The following EEIG1 variants were observed in gnomAD, a reference collection of about 807,000 sequenced individuals.
EEIG1 encodes the protein early estrogen-induced gene 1 protein.
chr9:127,945,071 G>C, the EEIG1 span, among the ~76,000 whole-genome samples: 1 of 152,166 alleles, frequency 6.6e-6, no homozygotes, highest in Non-Finnish European at 1.5e-5. The surrounding 1 kb of genome is among the most constrained non-coding windows in gnomAD (Gnocchi z 6.5). Flanking sequence ...CTGCCATCAT[G>C]AGCCGATTTT....
chr9:127,969,720 T>C, the EEIG1 span, among the ~76,000 whole-genome samples: 1 of 152,088 alleles, frequency 6.6e-6, no homozygotes, highest in African/African-American at 2.4e-5. Context: ...ACATCTCTGT[T>C]TGCAGCTGCC....
chr9:127,968,541 C>A, the EEIG1 span, among the ~76,000 whole-genome samples: 1 of 152,300 alleles, frequency 6.6e-6, no homozygotes, highest in East Asian at 1.9e-4. Context: ...GCCCTTCATA[C>A]CCCTGCTCCC....
chr9:127,953,984 T>C, the EEIG1 span: 1 of 1,603,398 alleles, frequency 6.2e-7, no homozygotes, highest in Admixed American at 1.7e-5. Flanking sequence ...GGGGACTCCA[T>C]GTGGTACCAG....
At chr9:127,942,727 A>AGC in the EEIG1 span, 1 of 172,532 alleles carries the variant, frequency 5.8e-6, no homozygotes, top group Admixed American at 5.8e-5. Flanking sequence ...AGGGCAAGGG[A>AGC]ACAACGGAGC....
the EEIG1 span, among the ~76,000 whole-genome samples, chr9:127,968,988 C>T: frequency 9.9e-5 from 15 of 152,228 alleles, no homozygotes; most frequent in African/African-American, 2.9e-4. Context: ...ACTTACTACA[C>T]GTCAGGCCTG....
chr9:127,971,343 C>T, the EEIG1 span, among the ~76,000 whole-genome samples: 1 of 152,128 alleles, frequency 6.6e-6, no homozygotes, highest in Non-Finnish European at 1.5e-5. Flanking sequence ...GAGTCAGGCC[C>T]CAGCCCCCTC....
At chr9:127,960,552 G>A in the EEIG1 span, among the ~76,000 whole-genome samples, 1 of 152,170 alleles carries the variant, frequency 6.6e-6, no homozygotes, top group East Asian at 1.9e-4. Context: ...GGAAGGCTGG[G>A]GAGTGGCCAT....
chr9:127,972,004 G>A, the EEIG1 span, among the ~76,000 whole-genome samples: 3 of 152,062 alleles, frequency 2.0e-5, no homozygotes, highest in Admixed American at 6.5e-5. This position sits in a 1 kb window ranked among gnomAD's most constrained non-coding sequence, Gnocchi z 4.3. Flanking sequence ...CTGAGCGGCC[G>A]CTGTCTCTCT....
At chr9:127,974,503 C>T in the EEIG1 span, among the ~76,000 whole-genome samples, 2 of 152,232 alleles carry the variant, frequency 1.3e-5, no homozygotes, top group East Asian at 1.9e-4. Context: ...GCCTTCAAGG[C>T]TCCCAGGAAG....
At chr9:127,958,275 T>C in the EEIG1 span, among the ~76,000 whole-genome samples, 1 of 152,144 alleles carries the variant, frequency 6.6e-6, no homozygotes, top group African/African-American at 2.4e-5. Flanking sequence ...TATGGGTAAA[T>C]CTTCATGACC....
chr9:127,964,967 G>A, the EEIG1 span, among the ~76,000 whole-genome samples: 1 of 152,056 alleles, frequency 6.6e-6, no homozygotes, highest in African/African-American at 2.4e-5. Context: ...AAATTAGCCA[G>A]ATGTGGTGGC....
chr9:127,956,501 C>T, the EEIG1 span, among the ~76,000 whole-genome samples: 1 of 150,672 alleles, frequency 6.6e-6, no homozygotes, highest in Non-Finnish European at 1.5e-5. Context: ...ACCTCTGCCT[C>T]CCGGGTTCAA....
At chr9:127,974,911 G>A in the EEIG1 span, among the ~76,000 whole-genome samples, 2 of 152,214 alleles carry the variant, frequency 1.3e-5, no homozygotes, top group East Asian at 1.9e-4. Flanking sequence ...GTGAAGGAAA[G>A]TGGGTGCCCT....
the EEIG1 span, chr9:127,950,470 C>T: frequency 2.5e-6 from 4 of 1,614,030 alleles, no homozygotes; most frequent in Non-Finnish European, 3.4e-6. Flanking sequence ...TCATATCCCT[C>T]GAGCAGGCAG....
the EEIG1 span, chr9:127,945,350 C>T: frequency 6.4e-7 from 1 of 1,563,756 alleles, no homozygotes; most frequent in Non-Finnish European, 8.7e-7. The surrounding 1 kb of genome is among the most constrained non-coding windows in gnomAD (Gnocchi z 6.5). Flanking sequence ...CAGGGGGCAC[C>T]AAGCAGTAGG....
At chr9:127,950,628 G>C in the EEIG1 span, 1 of 1,555,668 alleles carries the variant, frequency 6.4e-7, no homozygotes, top group African/African-American at 1.4e-5. Flanking sequence ...GCAAAAGTTG[G>C]AGAGGGAGAC....
At chr9:127,961,930 T>A in the EEIG1 span, among the ~76,000 whole-genome samples, 1 of 152,224 alleles carries the variant, frequency 6.6e-6, no homozygotes, top group East Asian at 1.9e-4. Flanking sequence ...AGAGGCAGCC[T>A]TGGTCCTAAG....
chr9:127,947,145 C>G, the EEIG1 span, among the ~76,000 whole-genome samples: 2 of 151,786 alleles, frequency 1.3e-5, no homozygotes, highest in South Asian at 4.2e-4. Flanking sequence ...CGGTGGCTCA[C>G]GCCTGTAATC....
the EEIG1 span, among the ~76,000 whole-genome samples, chr9:127,946,427 C>A: frequency 6.6e-6 from 1 of 152,206 alleles, no homozygotes; most frequent in Non-Finnish European, 1.5e-5. Context: ...CCTGCCTTCC[C>A]GCCCAACACA....
Sources: allele counts gnomAD v4.1 joint callset (sites outside exome capture counted in the v4.1 genomes callset), GRCh38; gene constraint gnomAD v4.1.1; non-coding constraint Gnocchi (gnomAD v3.1); transcripts MANE v1.5; gene names NCBI Gene and HGNC (gene_info 2026-07-23, HGNC 2026-07-21).